Variants in CETP observed in about 807,000 individuals in gnomAD.
CETP encodes the protein BPI fold containing family F.
A neutral mutation model predicts 66.5 loss-of-function variants in CETP; 56 were observed. The observed-to-expected ratio is 0.84, with a 90% CI of 0.68 to 1.05. The LOEUF is 1.05. Ranked by LOEUF, CETP falls within the 50% of genes least tolerant of loss-of-function variation. The pLI, the probability that CETP is intolerant of heterozygous loss-of-function variation, is 0.00. For missense variants in CETP, 612 were observed against 609.6 expected, an observed-to-expected ratio of 1.00 and a Z score of -0.04; for synonymous variants, 251 against 245.7, an observed-to-expected ratio of 1.02 and a Z score of -0.20.
chr16:56,971,957 T>A, intron 7 of CETP, 35 bp from the exon 8 acceptor site: 1 of 1,580,976 alleles, frequency 6.3e-7, no homozygotes, highest in African/African-American at 1.3e-5. Context: ...AATTCCCCCA[T>A]CCTGAGGCCC....
At chr16:56,982,356 C>A in intron 14 of CETP, 119 bp downstream of exon 14, 1 of 952,356 alleles carries the variant, frequency 1.1e-6, no homozygotes, top group Non-Finnish European at 1.7e-6. Context: ...TGATACTTAG[C>A]GGTCCTGGCC....
intron 2 of CETP, among the ~76,000 whole-genome samples, chr16:56,964,660 G>C (rs9929488): frequency 0.3 from 46,151 of 151,788 alleles, 7,414 homozygotes; most frequent in African/African-American, 0.41. Flanking sequence ...TCTGCTACCC[G>C]CGCACATTGG....
intron 10 of CETP, among the ~76,000 whole-genome samples, chr16:56,976,029 T>TGCACC (rs2056147874): frequency 6.6e-6 from 1 of 151,590 alleles, no homozygotes; most frequent in South Asian, 2.1e-4. Flanking sequence ...GCCTCTCTCC[T>TGCACC]TGCACATACA....
intron 1 of CETP, 104 bp from the exon 2 acceptor site, chr16:56,962,906 A>T: frequency 1.0e-6 from 1 of 953,892 alleles, no homozygotes; most frequent in Non-Finnish European, 1.7e-6. Flanking sequence ...ACCTGCTGGG[A>T]GCCTCATCTC....
At chr16:56,971,910 G>A in intron 7 of CETP, 82 bp from the exon 8 acceptor site, 6 of 1,204,736 alleles carry the variant, frequency 5.0e-6, no homozygotes, top group South Asian at 1.2e-5. Flanking sequence ...GGAGGGTTGG[G>A]TAGCTGTGTG....
At chr16:56,962,351 C>A in intron 1 of CETP, 1 of 701,128 alleles carries the variant, frequency 1.4e-6, no homozygotes, top group Non-Finnish European at 2.7e-6. Flanking sequence ...TTGTGTTTGT[C>A]TGAGACCCAG....
chr16:56,975,476 G>A (rs289717), intron 10 of CETP, among the ~76,000 whole-genome samples: 44,346 of 152,106 alleles, frequency 0.29, 7,010 homozygotes, highest in East Asian at 0.43. Context: ...CCAGGCATAG[G>A]GACTTGTAGG....
At chr16:56,977,962 C>T (rs1035458147) in intron 10 of CETP, 129 bp from the exon 11 acceptor site, 5 of 1,091,612 alleles carry the variant, frequency 4.6e-6, no homozygotes, top group Non-Finnish European at 6.5e-6. Flanking sequence ...CTGGGCACTA[C>T]CCCGAGCTAC....
chr16:56,983,641 TG>T lies in CETP; in HGVS notation c.1459del (p.Asp487IlefsTer6). The T allele has an allele frequency of 5.6e-6, 9 of 1,614,114 alleles. No individual in the cohort carries two copies. The highest frequency in any genetic ancestry group is 7.6e-6 in the Non-Finnish European group (9 of 1,180,004). ...MDFGFPEHLL[V>X]DFLQSLS ...TTTGGCTTCCCTGAGCACCTGCTGG[TG>T]GATTTCCTCCAGAGCTTGAGCTAGA... On this transcript the variant is annotated frameshift_variant, in exon 16 of 16. Coordinates refer to ENST00000200676, the MANE Select transcript of CETP (RefSeq NM_000078.3). LOFTEE classifies it high-confidence loss of function.
chr16:56,981,557 C>T (rs1305536969), intron 12 of CETP, 90 bp from the exon 13 acceptor site: 9 of 1,433,142 alleles, frequency 6.3e-6, no homozygotes, highest in Non-Finnish European at 7.9e-6. Context: ...GACAGAAGCA[C>T]TGGCTGCTAT....
chr16:56,976,874 C>G (rs1458360079), intron 10 of CETP, among the ~76,000 whole-genome samples: 1 of 151,860 alleles, frequency 6.6e-6, no homozygotes, highest in Non-Finnish European at 1.5e-5. Context: ...TGTTTACTTA[C>G]CCACTGAGAT....
In CETP at chr16:56,969,468, G is replaced by A. The variant is rs371258270; in HGVS notation, c.316G>A (p.Val106Met). The A allele has an allele frequency of 4.8e-5, 78 of 1,614,214 alleles. No homozygotes were observed. In the African/African-American group the frequency reaches 5.1e-4, roughly 10 times the overall value. ...AKSIDVSIQN[V>M]SVVFKGTLKY... ...GTCCATTGATGTCTCCATTCAGAACGTGTCTGTGGTCTTCAAGGGGACCCT... is the reference window on the plus strand; with the variant it reads ...GTCCATTGATGTCTCCATTCAGAACATGTCTGTGGTCTTCAAGGGGACCCT... Residue 106 changes from valine (V) to methionine (M), a missense_variant, in exon 3 of 16, where the codon GTG (valine) becomes ATG (methionine). By Grantham distance (21) the Val-to-Met change is conservative. Transcript: ENST00000200676.
intron 12 of CETP, 129 bp from the exon 13 acceptor site, chr16:56,981,518 G>C: frequency 8.7e-7 from 1 of 1,154,660 alleles, no homozygotes. Flanking sequence ...CAAATCTCAA[G>C]AGAGTGCCCC....
At position 56,981,164 on chromosome 16, in the gene CETP, G is replaced by C. The variant is rs34855278; in HGVS notation, c.1153G>C (p.Val385Leu). The C allele has an allele frequency of 1.2e-5, 20 of 1,613,048 alleles. No individual in the cohort carries two copies. In the East Asian group the frequency reaches 4.0e-4, roughly 32 times the overall value. ...SVAYTFEEDI[V>L]TTVQASYSKK... ...ATTTGGTTTCTCTCCCCAGGATATC[G>C]TGACTACCGTCCAGGCCTCCTATTC... Residue 385 changes from valine (V) to leucine (L), a missense_variant, in exon 12 of 16, where the codon GTG becomes CTG. Transcript: ENST00000200676.
In CETP at chr16:56,969,433, T is replaced by C. The variant is rs771094018; in HGVS notation, c.281T>C (p.Val94Ala). ...LSIASSQVEL[V>A]EAKSIDVSIQ... ...ATCGCCAGCAGCCAGGTGGAGCTGG[T>C]GGAAGCCAAGTCCATTGATGTCTCC... The change falls in exon 3 of 16, where the codon GTG (valine) becomes GCG (alanine). Residue 94 changes from valine to alanine, a missense_variant. By Grantham distance (64) the Val-to-Ala change is moderately conservative. Transcript: ENST00000200676. The C allele has an allele frequency of 6.2e-7, 1 of 1,614,158 alleles. No individual in the cohort carries two copies. Among genetic ancestry groups the C allele is most frequent in the Non-Finnish European group, 8.5e-7 (1 of 1,180,030 alleles).
intron 11 of CETP, among the ~76,000 whole-genome samples, chr16:56,978,700 G>A (rs1363807325): frequency 1.3e-5 from 2 of 152,114 alleles, no homozygotes; most frequent in East Asian, 1.9e-4. Context: ...TGTCCAGGCT[G>A]TTCTCAAACT....
At chr16:56,970,058 C>A in intron 5 of CETP, 57 bp downstream of exon 5, 1 of 1,526,236 alleles carries the variant, frequency 6.6e-7, no homozygotes, top group Non-Finnish European at 8.9e-7. Context: ...GTTAGTGTGT[C>A]CACGGCTCCT....
chr16:56,971,410 G>A, intron 7 of CETP, 29 bp downstream of exon 7: 1 of 1,607,868 alleles, frequency 6.2e-7, no homozygotes, highest in Non-Finnish European at 8.5e-7. Context: ...GCATGCCTCA[G>A]AAGACAGCAG....
intron 14 of CETP, among the ~76,000 whole-genome samples, 165 bp from the exon 15 acceptor site, chr16:56,983,161 C>A (rs370594550): frequency 6.6e-6 from 1 of 152,236 alleles, no homozygotes. Flanking sequence ...TGCTCTTCCT[C>A]ATCCTCAGAA....
Sources: gnomAD v4.1 joint callset for allele counts (sites outside exome capture counted in the v4.1 genomes callset) on GRCh38, gnomAD v4.1.1 for gene constraint, MANE v1.5 for transcripts, NCBI Gene and HGNC (gene_info 2026-07-23, HGNC 2026-07-21) for gene names.